Variants in COL18A1 observed in about 807,000 individuals in gnomAD.
COL18A1 encodes the protein collagen alpha-1(XVIII) chain.
A neutral mutation model predicts 168.0 loss-of-function variants in COL18A1; 133 were observed. That is an observed-to-expected ratio of 0.79 (90% CI 0.69 to 0.91). The LOEUF (loss-of-function observed/expected upper bound fraction) is 0.91, where lower values mean the gene tolerates loss of function less well. Among genes scored for constraint, COL18A1 ranks in the 40% least tolerant of loss-of-function variants. The pLI is 0.00. For missense variants in COL18A1, 2,126 were observed against 1,925.4 expected (o/e 1.10, Z -1.95); for synonymous variants, 949 against 809.0 (o/e 1.17, Z -2.94).
chr21:45,421,739 C>T (rs1446027785), intron 2 of COL18A1: 2 of 399,788 alleles, frequency 5.0e-6, no homozygotes, highest in Admixed American at 2.9e-5. Context: ...ATTCCTGCCA[C>T]CTCCCAGGCA....
chr21:45,501,948 C>G (rs2036879246), intron 32 of COL18A1, among the ~76,000 whole-genome samples: 11 of 79,950 alleles, frequency 1.4e-4, no homozygotes, highest in South Asian at 4.1e-4. Flanking sequence ...GAAGGACCCT[C>G]AGGGGCCTCC....
intron 3 of COL18A1, among the ~76,000 whole-genome samples, chr21:45,470,026 A>C (rs539103506): frequency 1.3e-5 from 2 of 152,262 alleles, no homozygotes; most frequent in Non-Finnish European, 2.9e-5. Flanking sequence ...AAAGTGGCCC[A>C]CAAGTGCCGT....
chr21:45,497,875 C>T, intron 32 of COL18A1: 1 of 635,904 alleles, frequency 1.6e-6, no homozygotes, highest in Non-Finnish European at 2.7e-6. Flanking sequence ...ACAAGCCCAG[C>T]AAGATAGCCC....
chr21:45,492,494 G>T lies in COL18A1; in HGVS notation c.2158-41G>T, dbSNP rs371609732. On this transcript the variant is annotated intron_variant, in intron 22 of 41. Coordinates refer to ENST00000651438, the MANE Select transcript of COL18A1 (RefSeq NM_001379500.1). ...GCTCGAGTCCAGTTGAATTTTAAACGCGGCTCTTTGTTTCCGATTTTTCCT... is the reference window on the plus strand; with the variant it reads ...GCTCGAGTCCAGTTGAATTTTAAACTCGGCTCTTTGTTTCCGATTTTTCCT... 6.0e-5 allele frequency: 97 copies of T among 1,612,864 alleles called. No homozygotes were observed. The African/African-American group carries it at 1.1e-3, about 19-fold the overall frequency.
intron 2 of COL18A1, among the ~76,000 whole-genome samples, chr21:45,450,675 G>A (rs1006863313): frequency 2.0e-5 from 3 of 152,202 alleles, no homozygotes; most frequent in Non-Finnish European, 4.4e-5. Context: ...CCTTCCCGAA[G>A]ACCAGATGGG....
chr21:45,437,524 T>A (rs916593143), intron 2 of COL18A1, among the ~76,000 whole-genome samples: 31 of 6,406 alleles, frequency 4.8e-3, no homozygotes, highest in Admixed American at 6.6e-3. Context: ...ACACACACAC[T>A]CAGACACACA....
At chr21:45,439,906 G>A (rs1420738432) in intron 2 of COL18A1, among the ~76,000 whole-genome samples, 2 of 152,264 alleles carry the variant, frequency 1.3e-5, no homozygotes, top group South Asian at 2.1e-4. Context: ...AGGCCTGGGA[G>A]ATGGGAGTGT....
intron 14 of COL18A1, among the ~76,000 whole-genome samples, chr21:45,482,555 C>G (rs1481732178): frequency 1.3e-5 from 2 of 152,208 alleles, no homozygotes; most frequent in Non-Finnish European, 2.9e-5. Context: ...CCAGGCCCCA[C>G]GTGTAGCCAG....
Position 45,425,980 on chromosome 21 carries a change from G to A in COL18A1, c.106+20507G>A, listed in dbSNP as rs1229395912. Among the ~76,000 whole-genome samples, 2 of 152,186 alleles carry A rather than the reference G, an allele frequency of 1.3e-5. No homozygotes were observed. Among genetic ancestry groups the A allele is most frequent in the African/African-American group, 2.4e-5 (1 of 41,444 alleles). ...ATGAGAACCCAGGAAGGGGCTGAGT[G>A]TGACTCCTCTGGTTTTTAGAGAGCA... On this transcript the variant is annotated intron_variant, in intron 2 of 41. Transcript: ENST00000651438. This position sits in a 1 kb window ranked among gnomAD's most constrained non-coding sequence, Gnocchi z 4.1.
At position 45,491,354 on chromosome 21, in the gene COL18A1, C is replaced by T. The variant is rs371873833; in HGVS notation, c.2157+40C>T. ...TGGGTGGGCACCCAATCTGTCCAGACCCCCCACGGGGTGCAGAGATCCCTC... is the reference window on the plus strand; with the variant it reads ...TGGGTGGGCACCCAATCTGTCCAGATCCCCCACGGGGTGCAGAGATCCCTC... On this transcript the variant is annotated intron_variant, in intron 22 of 41. Transcript: ENST00000651438. 4.3e-4 allele frequency: 579 copies of T among 1,347,524 alleles called. 1 individual carries two copies. In the African/African-American group the frequency reaches 7.8e-3, roughly 18 times the overall value. The allele number at this position is 1,347,524 out of a possible 1,614,324, so 83.5% of individuals were successfully genotyped here. A position where few individuals can be genotyped will look rare whatever the true frequency, so the allele number is the denominator to read the frequency against.
In COL18A1 at chr21:45,494,926, G is replaced by C. The variant is rs1258555092; in HGVS notation, c.2433+11G>C. The C allele has an allele frequency of 6.2e-7, 1 of 1,608,628 alleles. No individual in the cohort carries two copies. Among genetic ancestry groups the C allele is most frequent in the Non-Finnish European group, 8.5e-7 (1 of 1,177,762 alleles). The stretch of plus-strand genomic sequence containing the variant: ...TTTCCTGGACGGCCGGTGAGGACCT[G>C]GGGTCTCCAGTGGGGGCGGCAGATG... On this transcript the variant is annotated intron_variant, in intron 28 of 41. Transcript: ENST00000651438.
rs79785371 is a variant in COL18A1 at position 45,503,960 on chromosome 21, G to A, written c.2684-51G>A. 36,897 of 1,609,486 alleles carry A rather than the reference G, an allele frequency of 0.023. 546 individuals carry two copies. Among genetic ancestry groups the A allele is most frequent in the Middle Eastern group, 0.026 (160 of 6,054 alleles). On this transcript the variant is annotated intron_variant, in intron 32 of 41. Transcript: ENST00000651438. ...GTGCTGGGGGCTGCAGAGGGAACCC[G>A]GCGCTGTCAGACACCACCTCAGCGA... is the stretch of plus-strand genomic sequence containing the variant.
chr21:45,506,868 C>T (rs2037240350), intron 37 of COL18A1: 1 of 190,316 alleles, frequency 5.3e-6, no homozygotes, highest in Non-Finnish European at 1.1e-5. Context: ...CCCTGCAGCA[C>T]CCCAGACAGT....
chr21:45,489,544 G>T, intron 19 of COL18A1, 23 bp downstream of exon 19: 1 of 1,561,774 alleles, frequency 6.4e-7, no homozygotes, highest in Non-Finnish European at 8.7e-7. Flanking sequence ...CCCGGGTTCA[G>T]GGACGTGGCC....
rs1170787263 is a variant in COL18A1 at position 45,480,501 on chromosome 21, G to T, written c.1433G>T (p.Gly478Val). Reference protein sequence around the residue: ...FIDMEGSGFGGDLEALRGPRG... With the variant: ...FIDMEGSGFGVDLEALRGPRG... The stretch of plus-strand genomic sequence containing the variant: ...GACATGGAGGGATCTGGCTTCGGGG[G>T]CGATCTGGAGGCCCTGCGGGTGAGT... Residue 478 changes from glycine (G) to valine (V), a missense_variant, in exon 12 of 42, where the codon GGC becomes GTC. By Grantham distance (109) the Gly-to-Val change is moderately radical. Transcript: ENST00000651438. 12 of 1,614,048 alleles carry T rather than the reference G, an allele frequency of 7.4e-6. No homozygotes were observed. The highest frequency in any genetic ancestry group is 9.3e-6 in the Non-Finnish European group (11 of 1,180,034).
intron 15 of COL18A1, among the ~76,000 whole-genome samples, chr21:45,485,631 A>T (rs994020287): frequency 1.1e-4 from 16 of 152,370 alleles, no homozygotes; most frequent in African/African-American, 3.8e-4. Flanking sequence ...CATGGTGCCC[A>T]CCTGTTAAGA....
chr21:45,460,837 T>C (rs2035016504), intron 2 of COL18A1, among the ~76,000 whole-genome samples: 3 of 152,220 alleles, frequency 2.0e-5, no homozygotes, highest in Admixed American at 6.5e-5. Flanking sequence ...CAAGAGTGAC[T>C]CAGCATTTAA....
chr21:45,492,802 G>A, intron 24 of COL18A1, 89 bp downstream of exon 24: 2 of 1,055,602 alleles, frequency 1.9e-6, no homozygotes, highest in Non-Finnish European at 2.9e-6. Context: ...GAGCTGGGGT[G>A]GGCCTTGTCA....
At chr21:45,476,104 C>T (rs1184728197) in intron 5 of COL18A1, among the ~76,000 whole-genome samples, 2 of 151,486 alleles carry the variant, frequency 1.3e-5, no homozygotes, top group African/African-American at 4.9e-5. Context: ...TGTCGGGCGC[C>T]GGGAGGCCTC....
Sources: allele counts gnomAD v4.1 joint callset (sites outside exome capture counted in the v4.1 genomes callset), GRCh38; gene constraint gnomAD v4.1.1; non-coding constraint Gnocchi (gnomAD v3.1); transcripts MANE v1.5; gene names NCBI Gene and HGNC (gene_info 2026-07-23, HGNC 2026-07-21).